The following ADAMTS3 variants were observed in gnomAD, a reference collection of about 807,000 sequenced individuals.
ADAMTS3 encodes the protein ADAM metallopeptidase with thrombospondin type 1 motif 3.
Under a neutral mutation model 129.0 loss-of-function variants are expected in ADAMTS3, and 73 were observed. That is an observed-to-expected ratio of 0.57 (90% CI 0.47 to 0.69). The LOEUF (loss-of-function observed/expected upper bound fraction) is 0.69. ADAMTS3 is among the 30% of genes least tolerant of loss of function. ADAMTS3 has a pLI of 0.00. For synonymous variants in ADAMTS3, 477 were observed against 510.8 expected, an observed-to-expected ratio of 0.93 and a Z score of 0.89; for missense variants, 1,457 against 1,514.5, an observed-to-expected ratio of 0.96 and a Z score of 0.63.
At chr4:72,412,561 T>C (rs966291609) in intron 4 of ADAMTS3, among the ~76,000 whole-genome samples, 2 of 152,028 alleles carry the variant, frequency 1.3e-5, no homozygotes, top group Non-Finnish European at 2.9e-5. Context: ...TTCTAACATA[T>C]ATGGTTACAA....
intron 3 of ADAMTS3, among the ~76,000 whole-genome samples, chr4:72,446,145 A>G (rs1436086069): frequency 2.0e-5 from 3 of 151,660 alleles, no homozygotes; most frequent in Admixed American, 1.3e-4. Context: ...TACTCCAGCA[A>G]TCTCTCCCCT....
intron 3 of ADAMTS3, among the ~76,000 whole-genome samples, chr4:72,454,764 A>C (rs2109974110): frequency 6.6e-6 from 1 of 151,796 alleles, no homozygotes; most frequent in Admixed American, 6.6e-5. Context: ...GAAGTGTATG[A>C]GCAGTGGAGG....
At chr4:72,416,796 T>C (rs1243588858) in intron 3 of ADAMTS3, among the ~76,000 whole-genome samples, 1 of 152,164 alleles carries the variant, frequency 6.6e-6, no homozygotes, top group Non-Finnish European at 1.5e-5. Flanking sequence ...TTATTTTATC[T>C]CCTATTACCA....
intron 5 of ADAMTS3, among the ~76,000 whole-genome samples, chr4:72,324,257 A>G (rs1044525040): frequency 6.6e-6 from 1 of 152,200 alleles, no homozygotes; most frequent in Non-Finnish European, 1.5e-5. Flanking sequence ...CTAAAACAAG[A>G]AATTCACAAA....
At chr4:72,519,358 G>A (rs1053593691) in intron 3 of ADAMTS3, among the ~76,000 whole-genome samples, 3 of 152,140 alleles carry the variant, frequency 2.0e-5, no homozygotes, top group African/African-American at 4.8e-5. Context: ...GGTGTTCTCT[G>A]TATTTCCTGA....
chr4:72,286,208 G>A lies in ADAMTS3; in HGVS notation c.3050-2504C>T, dbSNP rs77899120. Among the ~76,000 whole-genome samples the A allele has an allele frequency of 8.3e-3, 1,266 of 152,312 alleles. 10 individuals carry two copies. Among genetic ancestry groups the A allele is most frequent in the Non-Finnish European group, 0.013 (918 of 68,022 alleles). On this transcript the variant is annotated intron_variant, in intron 21 of 21. Coordinates refer to ENST00000286657, the MANE Select transcript of ADAMTS3 (RefSeq NM_014243.3). ...TTGGGCACGTCTGTAGAAATGCACA[G>A]CTGTACCAGCTCCAAGATCAATAAA... is the stretch of plus-strand genomic sequence containing the variant.
chr4:72,399,866 G>GTATATACGTGTGTA (rs1721846385), intron 4 of ADAMTS3, among the ~76,000 whole-genome samples: 3 of 38,340 alleles, frequency 7.8e-5, no homozygotes, highest in Non-Finnish European at 1.3e-4. Context: ...ATATACGTGT[G>GTATATACGTGTGTA]TATATATACA....
intron 3 of ADAMTS3, among the ~76,000 whole-genome samples, chr4:72,437,422 C>A (rs766990022): frequency 2.6e-5 from 4 of 151,696 alleles, no homozygotes; most frequent in African/African-American, 4.8e-5. Context: ...AGGCTCTGTA[C>A]CAATTTATTG....
chr4:72,285,787 A>G (rs1276975467), intron 21 of ADAMTS3, among the ~76,000 whole-genome samples: 1 of 145,230 alleles, frequency 6.9e-6, no homozygotes, highest in Non-Finnish European at 1.5e-5. Flanking sequence ...AAAAAAAAAA[A>G]TGGTACAATC....
intron 4 of ADAMTS3, among the ~76,000 whole-genome samples, chr4:72,367,564 G>T (rs1343053727): frequency 6.6e-6 from 1 of 152,128 alleles, no homozygotes; most frequent in African/African-American, 2.4e-5. Context: ...GTAGCATGAT[G>T]AATTTAAAAT....
intron 3 of ADAMTS3, among the ~76,000 whole-genome samples, chr4:72,546,266 G>C (rs1047561037): frequency 6.6e-6 from 1 of 152,022 alleles, no homozygotes; most frequent in Non-Finnish European, 1.5e-5. Flanking sequence ...AAGCTTCCAA[G>C]AACCCCTACC....
chr4:72,566,068 G>C (rs1722013593), intron 2 of ADAMTS3, among the ~76,000 whole-genome samples: 1 of 152,192 alleles, frequency 6.6e-6, no homozygotes, highest in Non-Finnish European at 1.5e-5. Context: ...ATTGATGGCT[G>C]AATGTTATCA....
intron 3 of ADAMTS3, among the ~76,000 whole-genome samples, chr4:72,526,863 T>G (rs2109751291): frequency 6.7e-6 from 1 of 149,272 alleles, no homozygotes; most frequent in South Asian, 2.1e-4. Context: ...AAATATTAGG[T>G]GAACAAGGAT....
chr4:72,309,167 T>C (rs1365209813), intron 15 of ADAMTS3, among the ~76,000 whole-genome samples: 1 of 151,920 alleles, frequency 6.6e-6, no homozygotes, highest in Admixed American at 6.6e-5. Context: ...TTGTTTCTTT[T>C]CTAAATTTAG....
chr4:72,539,491 G>GAAAAA (rs71215438), intron 3 of ADAMTS3, among the ~76,000 whole-genome samples: 8 of 86,610 alleles, frequency 9.2e-5, no homozygotes, highest in South Asian at 9.4e-4. Context: ...GCTACTATCA[G>GAAAAA]AAAAAAAAAA....
chr4:72,324,071 C>T (rs1300692369), intron 5 of ADAMTS3, among the ~76,000 whole-genome samples: 8 of 152,122 alleles, frequency 5.3e-5, no homozygotes, highest in East Asian at 1.9e-4. Flanking sequence ...AATGAAGACT[C>T]GACACTTGTT....
At chr4:72,445,129 T>C (rs1489795174) in intron 3 of ADAMTS3, among the ~76,000 whole-genome samples, 1 of 151,674 alleles carries the variant, frequency 6.6e-6, no homozygotes, top group East Asian at 2.0e-4. Context: ...TTGATTTTGT[T>C]GACAACTGCA....
intron 3 of ADAMTS3, among the ~76,000 whole-genome samples, chr4:72,511,093 G>C (rs1720302499): frequency 6.6e-6 from 1 of 152,060 alleles, no homozygotes; most frequent in Non-Finnish European, 1.5e-5. Context: ...AATAAAAGTA[G>C]ATCCCTATGT....
chr4:72,358,781 AACTCTTAATTTAACAGAGCTACCTCAG>A (rs1260400341), intron 4 of ADAMTS3, among the ~76,000 whole-genome samples: 3 of 151,944 alleles, frequency 2.0e-5, no homozygotes, highest in Non-Finnish European at 2.9e-5. Flanking sequence ...TCACCAGGTA[AACTCTTAATTTAACAGAGCTACCTCAG>A]ACTTGGATAG....
Sources: allele counts gnomAD v4.1 joint callset (sites outside exome capture counted in the v4.1 genomes callset), GRCh38; gene constraint gnomAD v4.1.1; transcripts MANE v1.5; gene names NCBI Gene and HGNC (gene_info 2026-07-23, HGNC 2026-07-21).